Variants in FAM184B observed in about 807,000 individuals in gnomAD.
FAM184B encodes the protein protein FAM184B.
In FAM184B, 111 loss-of-function variants were observed where a neutral mutation model predicts 135.9. The observed-to-expected ratio is 0.82, with a 90% confidence interval of 0.70 to 0.96. The LOEUF is 0.96. FAM184B is among the 40% of genes least tolerant of loss of function. The pLI is 0.00. For missense variants in FAM184B, 1,375 were observed against 1,323.9 expected (o/e 1.04, Z -0.60); for synonymous variants, 552 against 524.8 (o/e 1.05, Z -0.71).
At chr4:17,722,549 C>T (rs947361972) in intron 1 of FAM184B, among the ~76,000 whole-genome samples, 4 of 152,228 alleles carry the variant, frequency 2.6e-5, no homozygotes, top group African/African-American at 9.6e-5. Context: ...GAGACATCAG[C>T]TTCTGAGTAA....
chr4:17,724,199 A>G (rs1440884836), intron 1 of FAM184B, among the ~76,000 whole-genome samples: 1 of 152,150 alleles, frequency 6.6e-6, no homozygotes, highest in African/African-American at 2.4e-5. Flanking sequence ...AGAATACACC[A>G]AAACATGACC....
chr4:17,756,876 A>G (rs1718435886), intron 1 of FAM184B, among the ~76,000 whole-genome samples: 1 of 152,202 alleles, frequency 6.6e-6, no homozygotes, highest in Non-Finnish European at 1.5e-5. Context: ...GTGAGCCAAG[A>G]TCACGTCACT....
chr4:17,665,000 C>G (rs998253485), intron 7 of FAM184B, among the ~76,000 whole-genome samples: 1 of 152,138 alleles, frequency 6.6e-6, no homozygotes, highest in Admixed American at 6.6e-5. Flanking sequence ...AATATGCAAC[C>G]GGATAATAGG....
intron 5 of FAM184B, among the ~76,000 whole-genome samples, chr4:17,702,075 C>G (rs1479696342): frequency 1.3e-5 from 2 of 152,138 alleles, no homozygotes; most frequent in Admixed American, 1.3e-4. Context: ...AGCTGCAGGT[C>G]CAGGTTCAGA....
At chr4:17,670,824 C>G (rs550342347) in intron 7 of FAM184B, among the ~76,000 whole-genome samples, 19 of 152,252 alleles carry the variant, frequency 1.2e-4, no homozygotes, top group African/African-American at 4.3e-4. Context: ...TTTCTGACTC[C>G]CATCCACGTA....
chr4:17,646,984 C>G (rs1415187482), intron 12 of FAM184B, among the ~76,000 whole-genome samples: 1 of 152,146 alleles, frequency 6.6e-6, no homozygotes, highest in Non-Finnish European at 1.5e-5. Flanking sequence ...TGGAGCCTGT[C>G]TGGTAAAATG....
rs375675579 is a variant in FAM184B, at chr4:17,632,239, T to G, written c.*293A>C. 13 of 180,780 alleles carry G rather than the reference T, an allele frequency of 7.2e-5. No individual in the cohort carries two copies. In the East Asian group the frequency reaches 1.5e-3, roughly 21 times the overall value. 11.2% of individuals were successfully genotyped at this position (180,780 alleles called of 1,614,324 possible). ...ACAGGCACACGCCACCATGCCTGGC[T>G]AATTTTTGTATATTTTGTAGAGATG... On this transcript the variant is annotated 3_prime_UTR_variant, in exon 18 of 18. Transcript: ENST00000265018.
Position 17,639,337 on chromosome 4 carries a change from TC to T in FAM184B, c.2578del (p.Glu860AsnfsTer31), listed in dbSNP as rs760760224. ...RAREVETLRQ[E>X]HRKEMQAMVA... Reference sequence around the variant, plus strand: ...CATGGCCTGCATCTCCTTCCGGTGTTCCTGGCGCAGTGTCTCCACCTCCCTG... The same window carrying T: ...CATGGCCTGCATCTCCTTCCGGTGTTCTGGCGCAGTGTCTCCACCTCCCTG... On this transcript the variant is annotated frameshift_variant, in exon 14 of 18. Transcript: ENST00000265018. LOFTEE classifies it high-confidence loss of function. 1.5e-5 allele frequency: 23 copies of T among 1,551,672 alleles called. No individual in the cohort carries two copies. Among genetic ancestry groups the T allele is most frequent in the East Asian group, 2.4e-5 (1 of 40,936 alleles).
In FAM184B at chr4:17,652,886, C is replaced by T; in HGVS notation, c.2135G>A (p.Arg712Lys). The part of the protein sequence containing the change: ...LELQALEEKA[R>K]QELQEERERM... ...CTCACGCTCCTCCTGCAGCTCTTGC[C>T]TGGCCTTTTCCTCCAAGGCCTGGAG... Residue 712 changes from arginine (R) to lysine (K), a missense_variant, in exon 11 of 18, where the codon AGG (arginine) becomes AAG (lysine). Transcript: ENST00000265018. The T allele has an allele frequency of 6.4e-7, 1 of 1,551,768 alleles. No individual in the cohort carries two copies. Among genetic ancestry groups the T allele is most frequent in the African/African-American group, 1.4e-5 (1 of 73,172 alleles).
chr4:17,691,168 A>T (rs535006932), intron 6 of FAM184B, among the ~76,000 whole-genome samples: 3 of 152,178 alleles, frequency 2.0e-5, no homozygotes, highest in Non-Finnish European at 2.9e-5. Context: ...CATTAGAGCC[A>T]CATTACCTGG....
intron 1 of FAM184B, 98 bp from the exon 2 acceptor site, chr4:17,709,742 GCA>G: frequency 9.2e-7 from 1 of 1,089,448 alleles, no homozygotes; most frequent in East Asian, 2.8e-5. Context: ...CGGTTGATCT[GCA>G]CAAGTGGCAC....
chr4:17,764,517 A>C (rs912960874), intron 1 of FAM184B, among the ~76,000 whole-genome samples: 3 of 152,154 alleles, frequency 2.0e-5, no homozygotes, highest in South Asian at 2.1e-4. Flanking sequence ...CCACCCTTTA[A>C]TCTGTCTCTT....
intron 1 of FAM184B, among the ~76,000 whole-genome samples, chr4:17,777,113 C>T (rs1442534992): frequency 6.6e-6 from 1 of 152,048 alleles, no homozygotes; most frequent in African/African-American, 2.4e-5. Flanking sequence ...ACTCAAATGT[C>T]CATCAGCTGG....
chr4:17,722,011 G>A (rs1717543072), intron 1 of FAM184B, among the ~76,000 whole-genome samples: 1 of 152,240 alleles, frequency 6.6e-6, no homozygotes, highest in Non-Finnish European at 1.5e-5. Flanking sequence ...GCAGGAAGAA[G>A]AGTTAAGGAA....
At chr4:17,709,831 C>G (rs1247164326) in intron 1 of FAM184B, among the ~76,000 whole-genome samples, 187 bp from the exon 2 acceptor site, 1 of 152,110 alleles carries the variant, frequency 6.6e-6, no homozygotes, top group African/African-American at 2.4e-5. Context: ...CTGCAAAGTG[C>G]GACAGGGAAG....
intron 1 of FAM184B, among the ~76,000 whole-genome samples, chr4:17,712,504 G>T (rs182740397): frequency 6.6e-6 from 1 of 152,172 alleles, no homozygotes; most frequent in Non-Finnish European, 1.5e-5. Flanking sequence ...TTTAGCCTTT[G>T]TGGGTTGCTG....
rs1436054474 is a variant in FAM184B, at chr4:17,781,265, G to A, written c.35C>T (p.Pro12Leu). 5.8e-6 allele frequency: 9 copies of A among 1,550,194 alleles called. No individual in the cohort carries two copies. The highest frequency in any genetic ancestry group is 1.4e-5 in the African/African-American group (1 of 73,016). The part of the protein sequence containing the change: ...ASALNSKINP[P>L]GTCQGSKADG... ...GGCTTTGGAGCCCTGGCAAGTGCCGGGCGGGTTAATTTTGCTGTTGAGAGC... is the reference window on the plus strand; with the variant it reads ...GGCTTTGGAGCCCTGGCAAGTGCCGAGCGGGTTAATTTTGCTGTTGAGAGC... The change falls in exon 1 of 18, where the codon CCC (proline) becomes CTC (leucine). Residue 12 changes from proline (P) to leucine (L), a missense_variant. By Grantham distance (98) the Pro-to-Leu change is moderately conservative. Coordinates refer to ENST00000265018, the MANE Select transcript of FAM184B (RefSeq NM_015688.2). The surrounding 1 kb of genome is among the most constrained non-coding windows in gnomAD (Gnocchi z 6.5).
intron 7 of FAM184B, among the ~76,000 whole-genome samples, chr4:17,678,718 C>A (rs1716372657): frequency 6.6e-6 from 1 of 152,076 alleles, no homozygotes; most frequent in Non-Finnish European, 1.5e-5. Flanking sequence ...CCCACACAGC[C>A]AAAGCAAGGC....
chr4:17,706,127 T>A (rs1717114103), intron 3 of FAM184B, among the ~76,000 whole-genome samples: 1 of 152,120 alleles, frequency 6.6e-6, no homozygotes, highest in Non-Finnish European at 1.5e-5. Context: ...CTAAATAACC[T>A]CCAAATCTTT....
Sources: gnomAD v4.1 joint callset for allele counts (sites outside exome capture counted in the v4.1 genomes callset) on GRCh38, gnomAD v4.1.1 for gene constraint, Gnocchi (gnomAD v3.1) non-coding constraint, MANE v1.5 for transcripts, NCBI Gene and HGNC (gene_info 2026-07-23, HGNC 2026-07-21) for gene names.